CA10: variants seen among roughly 807,000 people sequenced by gnomAD.
The protein encoded by CA10 is carbonic anhydrase 10 (inactive), also known as carbonic anhydrase-related protein 10.
CA10 carries 14 observed loss-of-function variants against 44.2 expected under a neutral mutation model. That is an observed-to-expected ratio of 0.32 (90% CI 0.21 to 0.50). The LOEUF (loss-of-function observed/expected upper bound fraction) is 0.50, where lower values mean the gene tolerates loss of function less well. CA10 is among the 20% of genes least tolerant of loss of function. The pLI is 0.99. For missense variants in CA10, 350 were observed against 409.7 expected (o/e 0.85, Z 1.26); for synonymous variants, 159 against 141.6 (o/e 1.12, Z -0.87).
intron 4 of CA10, among the ~76,000 whole-genome samples, chr17:51,696,751 T>A (rs1915416500): frequency 1.3e-5 from 2 of 152,202 alleles, no homozygotes; most frequent in Non-Finnish European, 2.9e-5. Context: ...AACATAACTT[T>A]TGCTGTATCC....
At chr17:51,702,030 T>C (rs1219774795) in intron 4 of CA10, among the ~76,000 whole-genome samples, 1 of 152,156 alleles carries the variant, frequency 6.6e-6, no homozygotes, top group Non-Finnish European at 1.5e-5. Context: ...ACCCCTACCA[T>C]GTGAGAGTCA....
chr17:51,948,640 T>G (rs1983372148), intron 2 of CA10, among the ~76,000 whole-genome samples: 1 of 152,192 alleles, frequency 6.6e-6, no homozygotes, highest in South Asian at 2.1e-4. Context: ...GAAGTGGTAG[T>G]TGGTTCCTTT....
chr17:51,743,874 C>T (rs139711213), intron 4 of CA10, among the ~76,000 whole-genome samples: 6 of 152,278 alleles, frequency 3.9e-5, no homozygotes, highest in East Asian at 1.9e-4. Flanking sequence ...ACCAGATTCG[C>T]GCAATCTACC....
chr17:51,775,371 A>C (rs1388991948), intron 3 of CA10, among the ~76,000 whole-genome samples: 1 of 152,038 alleles, frequency 6.6e-6, no homozygotes, highest in Non-Finnish European at 1.5e-5. Context: ...GATCCCCTAC[A>C]CAGTTTTCAT....
chr17:51,696,115 C>A (rs755385241), intron 4 of CA10, among the ~76,000 whole-genome samples: 11 of 151,980 alleles, frequency 7.2e-5, no homozygotes, highest in African/African-American at 2.4e-4. Flanking sequence ...GGGATATTGA[C>A]CTTTAGTTTT....
At chr17:51,777,703 G>A (rs1905879485) in intron 3 of CA10, among the ~76,000 whole-genome samples, 1 of 152,204 alleles carries the variant, frequency 6.6e-6, no homozygotes, top group Admixed American at 6.5e-5. Context: ...CAGCACTTCG[G>A]GTGGACTGCT....
intron 2 of CA10, among the ~76,000 whole-genome samples, chr17:51,946,708 G>A (rs975805548): frequency 2.6e-5 from 4 of 152,150 alleles, no homozygotes; most frequent in Non-Finnish European, 5.9e-5. Flanking sequence ...TACATTAAGT[G>A]ATACTTTCTT....
At chr17:51,942,637 C>T (rs1983128671) in intron 2 of CA10, among the ~76,000 whole-genome samples, 1 of 151,366 alleles carries the variant, frequency 6.6e-6, no homozygotes, top group East Asian at 2.0e-4. Flanking sequence ...CTACTAGTAG[C>T]CTAATGCAGG....
At chr17:51,705,578 G>A (rs1436544892) in intron 4 of CA10, among the ~76,000 whole-genome samples, 2 of 152,092 alleles carry the variant, frequency 1.3e-5, no homozygotes, top group Admixed American at 6.5e-5. Flanking sequence ...CCTCATACCC[G>A]GAGATGAGGA....
At chr17:51,876,571 T>A (rs565454708) in intron 3 of CA10, among the ~76,000 whole-genome samples, 2 of 152,208 alleles carry the variant, frequency 1.3e-5, no homozygotes, top group East Asian at 3.9e-4. Flanking sequence ...CATTGCAGGA[T>A]GTTTGGCAGC....
chr17:51,906,089 T>C (rs905257122), intron 3 of CA10, among the ~76,000 whole-genome samples: 1 of 152,168 alleles, frequency 6.6e-6, no homozygotes, highest in Non-Finnish European at 1.5e-5. Context: ...TGAATTGGAT[T>C]ATTCCCATCA....
chr17:51,863,255 G>C (rs1420607408), intron 3 of CA10, among the ~76,000 whole-genome samples: 1 of 152,200 alleles, frequency 6.6e-6, no homozygotes, highest in East Asian at 1.9e-4. Flanking sequence ...GATGAATCTG[G>C]AAGTTATTCC....
chr17:51,982,374 A>C (rs1984680653), intron 2 of CA10, among the ~76,000 whole-genome samples: 1 of 151,920 alleles, frequency 6.6e-6, no homozygotes, highest in Non-Finnish European at 1.5e-5. Flanking sequence ...TTGTGCAATC[A>C]GGGTCTATCC....
At chr17:52,085,009 C>G (rs556865532) in intron 1 of CA10, among the ~76,000 whole-genome samples, 1 of 152,276 alleles carries the variant, frequency 6.6e-6, no homozygotes, top group East Asian at 1.9e-4. Context: ...ATGCAAATGC[C>G]TTATTTTCAG....
chr17:51,885,357 A>G (rs1187420280), intron 3 of CA10, among the ~76,000 whole-genome samples: 1 of 152,148 alleles, frequency 6.6e-6, no homozygotes, highest in East Asian at 1.9e-4. Context: ...GCCTCACTGA[A>G]GTTTTCACCC....
At chr17:51,992,673 G>A (rs1187095252) in intron 2 of CA10, among the ~76,000 whole-genome samples, 1 of 151,988 alleles carries the variant, frequency 6.6e-6, no homozygotes, top group East Asian at 1.9e-4. Flanking sequence ...ATTCTTTCAA[G>A]GGGCCCTGAT....
intron 1 of CA10, among the ~76,000 whole-genome samples, chr17:52,092,300 C>T (rs952363017): frequency 6.6e-6 from 1 of 152,138 alleles, no homozygotes; most frequent in African/African-American, 2.4e-5. Flanking sequence ...ACTTTATATA[C>T]ACTATTTAAT....
intron 2 of CA10, among the ~76,000 whole-genome samples, chr17:51,982,537 C>T (rs1984686595): frequency 6.6e-6 from 1 of 151,980 alleles, no homozygotes; most frequent in African/African-American, 2.4e-5. Context: ...CCCAGTTTCA[C>T]ATGTTCAAAC....
chr17:51,880,264 T>C (rs546980209), intron 3 of CA10, among the ~76,000 whole-genome samples: 6 of 152,306 alleles, frequency 3.9e-5, no homozygotes, highest in Admixed American at 6.5e-5. Context: ...ACTGAGTAGA[T>C]TGGCATGCCC....
Sources: allele counts gnomAD v4.1 joint callset (sites outside exome capture counted in the v4.1 genomes callset), GRCh38; gene constraint gnomAD v4.1.1; transcripts MANE v1.5; gene names NCBI Gene and HGNC (gene_info 2026-07-23, HGNC 2026-07-21).